Variants in EEA1 observed in about 807,000 individuals in gnomAD.
The protein encoded by EEA1 is early endosome antigen 1, also known as early endosome antigen 1, 162kD.
A neutral mutation model predicts 209.2 loss-of-function variants in EEA1; 111 were observed. The observed-to-expected ratio is 0.53, with a 90% CI of 0.45 to 0.62. The LOEUF is 0.62. Ranked by LOEUF, EEA1 falls within the 20% of genes least tolerant of loss-of-function variation. The probability of loss-of-function intolerance (pLI) is 0.00; values close to 1 mark genes in which losing one functional copy is unlikely to be tolerated. For missense variants in EEA1, 1,343 were observed against 1,530.8 expected (o/e 0.88, Z 2.05); for synonymous variants, 536 against 540.6 (o/e 0.99, Z 0.12).
At chr12:92,914,378 A>G (rs1311036191) in intron 1 of EEA1, among the ~76,000 whole-genome samples, 1 of 152,170 alleles carries the variant, frequency 6.6e-6, no homozygotes, top group Non-Finnish European at 1.5e-5. Flanking sequence ...TGTTTACTGT[A>G]GCCTTGTAGC....
chr12:92,798,630 TA>T (rs1874759175), intron 21 of EEA1, among the ~76,000 whole-genome samples: 1 of 152,158 alleles, frequency 6.6e-6, no homozygotes, highest in African/African-American at 2.4e-5. Flanking sequence ...ATATTATTTT[TA>T]ATAAGATAGT....
At chr12:92,912,484 C>A (rs1374750136) in intron 1 of EEA1, among the ~76,000 whole-genome samples, 1 of 152,194 alleles carries the variant, frequency 6.6e-6, no homozygotes, top group African/African-American at 2.4e-5. Flanking sequence ...CCAGACTAGC[C>A]TTAGACACAT....
intron 2 of EEA1, among the ~76,000 whole-genome samples, chr12:92,889,839 G>A (rs917048170): frequency 6.6e-6 from 1 of 152,154 alleles, no homozygotes; most frequent in East Asian, 1.9e-4. Flanking sequence ...ATTCGAACCT[G>A]GGAGGCAGAG....
intron 21 of EEA1, among the ~76,000 whole-genome samples, chr12:92,791,846 A>G (rs546908340): frequency 5.3e-5 from 8 of 152,346 alleles, no homozygotes; most frequent in African/African-American, 1.9e-4. Flanking sequence ...CATCACACTT[A>G]TTCTAAAATT....
chr12:92,884,144 G>A (rs937246534), intron 2 of EEA1: 1 of 1,228,024 alleles, frequency 8.1e-7, no homozygotes, highest in African/African-American at 1.5e-5. Context: ...AGATTATTTT[G>A]AACAGTATGG....
intron 2 of EEA1, among the ~76,000 whole-genome samples, chr12:92,885,223 C>T (rs534564280): frequency 6.6e-6 from 1 of 152,082 alleles, no homozygotes; most frequent in East Asian, 1.9e-4. Context: ...TCAAATTGTT[C>T]AAGGGTCAAC....
intron 3 of EEA1, 124 bp from the exon 4 acceptor site, chr12:92,857,609 C>A (rs892261643): frequency 5.4e-6 from 3 of 555,832 alleles, no homozygotes; most frequent in Non-Finnish European, 2.9e-6. Context: ...AAAAAAACTA[C>A]GGAAGATTTT....
chr12:92,792,157 CA>C (rs1410704596), intron 21 of EEA1, among the ~76,000 whole-genome samples: 2 of 151,972 alleles, frequency 1.3e-5, no homozygotes, highest in African/African-American at 4.8e-5. Context: ...ACTAAATGCC[CA>C]CAACAGAAAG....
chr12:92,832,894 T>C, intron 10 of EEA1, 44 bp from the exon 11 acceptor site: 2 of 1,381,774 alleles, frequency 1.4e-6, no homozygotes, highest in Non-Finnish European at 2.0e-6. Context: ...CTAATATTTT[T>C]AATTACTCCA....
chr12:92,786,268 G>C (rs765752433), intron 22 of EEA1, among the ~76,000 whole-genome samples: 1 of 152,102 alleles, frequency 6.6e-6, no homozygotes, highest in Non-Finnish European at 1.5e-5. Context: ...ACAAATGTAA[G>C]TAACTCCCTT....
intron 2 of EEA1, among the ~76,000 whole-genome samples, chr12:92,868,971 G>A (rs1268833743): frequency 6.6e-6 from 1 of 151,514 alleles, no homozygotes; most frequent in African/African-American, 2.4e-5. Flanking sequence ...CTAGCTCTGG[G>A]AATGCTAACT....
intron 1 of EEA1, among the ~76,000 whole-genome samples, chr12:92,906,431 TG>T (rs1389768695): frequency 6.6e-6 from 1 of 152,068 alleles, no homozygotes; most frequent in African/African-American, 2.4e-5. Flanking sequence ...TTTCTAAAAC[TG>T]GAAAGGATAC....
intron 1 of EEA1, among the ~76,000 whole-genome samples, chr12:92,912,409 G>A (rs533824801): frequency 1.3e-5 from 2 of 152,270 alleles, no homozygotes; most frequent in African/African-American, 4.8e-5. Flanking sequence ...AGACTTGAAA[G>A]GCGTCTGTCT....
At chr12:92,815,414 T>C (rs1875733130) in intron 15 of EEA1, among the ~76,000 whole-genome samples, 1 of 152,220 alleles carries the variant, frequency 6.6e-6, no homozygotes, top group Non-Finnish European at 1.5e-5. Context: ...TAACAGGTTA[T>C]CTATCATATA....
chr12:92,851,163 T>C lies in EEA1; in HGVS notation c.746A>G (p.Glu249Gly), dbSNP rs1462234704. 6.2e-7 allele frequency: 1 copy of C among 1,613,960 alleles called. No individual in the cohort carries two copies. The highest frequency in any genetic ancestry group is 8.5e-7 in the Non-Finnish European group (1 of 1,179,926). ...TTTTTTGCATTCATCTTTGAGTTTT[T>C]CAGATTCTCGCTCACGTTCCAAGGT... Reference protein sequence around the residue: ...NMTLERERESEKLKDECKKLQ... With the variant: ...NMTLERERESGKLKDECKKLQ... Residue 249 changes from glutamate (E) to glycine (G), a missense_variant, in exon 9 of 29, where the codon GAA becomes GGA. This residue lies in a region of EEA1 where 1,307 missense variants were observed against 1,465.5 expected (regional missense o/e 0.89). Transcript: ENST00000322349.
rs1337742117 is a variant in EEA1, at chr12:92,819,393, T to C, written c.1643A>G (p.Asp548Gly). The C allele has an allele frequency of 6.2e-7, 1 of 1,612,848 alleles. No individual in the cohort carries two copies. Among genetic ancestry groups the C allele is most frequent in the South Asian group, 1.1e-5 (1 of 90,882 alleles). ...NISLLEKERE[D>G]LYAKIQAGEG... The stretch of plus-strand genomic sequence containing the variant: ...ACCAGCCTGAATTTTTGCATAAAGA[T>C]CTTCTCTTTCTTTTTCTAGTAATGA... Residue 548 changes from aspartate (D) to glycine (G), a missense_variant, in exon 14 of 29, where the codon GAT becomes GGT. Asp to Gly is a moderately conservative substitution (Grantham distance 94). Coordinates refer to ENST00000322349, the MANE Select transcript of EEA1 (RefSeq NM_003566.4).
At chr12:92,926,542 A>C (rs1881223633) in intron 1 of EEA1, among the ~76,000 whole-genome samples, 1 of 152,204 alleles carries the variant, frequency 6.6e-6, no homozygotes, top group East Asian at 1.9e-4. Flanking sequence ...ACATTTATCA[A>C]AATGTCCCTA....
chr12:92,776,351 G>A (rs1400441281), intron 28 of EEA1, among the ~76,000 whole-genome samples: 4 of 151,704 alleles, frequency 2.6e-5, no homozygotes, highest in African/African-American at 7.3e-5. Flanking sequence ...ATTTTACATA[G>A]AATTTATTAT....
At position 92,829,791 on chromosome 12, in the gene EEA1, AAAAAAC is replaced by A. The variant is rs1307092305; in HGVS notation, c.1255-1736_1255-1731del. Among the ~76,000 whole-genome samples, 142 of 141,078 alleles carry A rather than the reference AAAAAAC, an allele frequency of 1.0e-3. 2 individuals carry two copies. The highest frequency in any genetic ancestry group is 3.3e-3 in the African/African-American group (128 of 39,292). 92.6% of individuals were successfully genotyped at this position (141,078 alleles called of 152,430 possible). On this transcript the variant is annotated intron_variant, in intron 11 of 28. Transcript: ENST00000322349. ...GAAACTCTGTCTTAAAAAAAAAAAA[AAAAAAC>A]AAAAAACAAGCCAAATGCCAGGCAG...
Sources: allele counts gnomAD v4.1 joint callset (sites outside exome capture counted in the v4.1 genomes callset), GRCh38; gene constraint gnomAD v4.1.1; regional missense constraint gnomAD v4.1.1; transcripts MANE v1.5; gene names NCBI Gene and HGNC (gene_info 2026-07-23, HGNC 2026-07-21).